SNX2: variants seen among roughly 807,000 people sequenced by gnomAD.
SNX2 encodes sorting nexin-2.
A neutral mutation model predicts 69.9 loss-of-function variants in SNX2; 25 were observed. The ratio of observed to expected loss-of-function variants is 0.36; its 90% CI spans 0.26 to 0.50. The LOEUF is 0.50. SNX2 is among the 20% of genes least tolerant of loss of function. The pLI, the probability that SNX2 is intolerant of heterozygous loss-of-function variation, is 0.97. For synonymous variants in SNX2, 229 were observed against 200.4 expected (o/e 1.14, Z -1.20); for missense variants, 551 against 613.3 (o/e 0.90, Z 1.07).
At chr5:122,809,384 A>G (rs561664624) in intron 7 of SNX2, among the ~76,000 whole-genome samples, 1 of 152,314 alleles carries the variant, frequency 6.6e-6, no homozygotes, top group East Asian at 1.9e-4. Flanking sequence ...ACTTGACTCT[A>G]CACATTTCCT....
intron 7 of SNX2, chr5:122,808,572 G>C (rs1162327619): frequency 2.6e-6 from 1 of 378,720 alleles, no homozygotes; most frequent in African/African-American, 2.1e-5. Flanking sequence ...CTCATCAATA[G>C]TCTAACAAAA....
At chr5:122,799,285 G>C (rs1048808983) in intron 2 of SNX2, among the ~76,000 whole-genome samples, 1 of 151,956 alleles carries the variant, frequency 6.6e-6, no homozygotes, top group Non-Finnish European at 1.5e-5. Context: ...AAATAGTTGT[G>C]GACAGACTTC....
chr5:122,813,905 CTGG>C (rs1753839518), intron 7 of SNX2, among the ~76,000 whole-genome samples: 2 of 151,698 alleles, frequency 1.3e-5, no homozygotes, highest in Admixed American at 1.3e-4. Context: ...TCCTGAGTAG[CTGG>C]GACTACAGGT....
chr5:122,818,405 A>G (rs1753948314), intron 10 of SNX2, among the ~76,000 whole-genome samples: 1 of 152,206 alleles, frequency 6.6e-6, no homozygotes, highest in African/African-American at 2.4e-5. Context: ...AAAATTATAG[A>G]CATTATTTTC....
At chr5:122,810,732 T>C (rs949407550) in intron 7 of SNX2, among the ~76,000 whole-genome samples, 1 of 152,184 alleles carries the variant, frequency 6.6e-6, no homozygotes, top group Non-Finnish European at 1.5e-5. Flanking sequence ...ACACTTTCTT[T>C]ACTGATAAAT....
chr5:122,783,504 T>C (rs1480730271), intron 1 of SNX2, among the ~76,000 whole-genome samples: 1 of 152,208 alleles, frequency 6.6e-6, no homozygotes, highest in Non-Finnish European at 1.5e-5. Flanking sequence ...ACATTCTTTT[T>C]TTAAAATACA....
chr5:122,795,541 A>G (rs1286133695), intron 2 of SNX2, 158 bp downstream of exon 2: 13 of 593,544 alleles, frequency 2.2e-5, no homozygotes, highest in Non-Finnish European at 3.9e-5. Context: ...ACATCACTCT[A>G]TGAAAAATGT....
intron 1 of SNX2, among the ~76,000 whole-genome samples, chr5:122,777,686 A>T (rs1752884671): frequency 6.6e-6 from 1 of 152,326 alleles, no homozygotes; most frequent in East Asian, 1.9e-4. Context: ...ACTTATGTGT[A>T]TATTTTTACT....
chr5:122,788,506 AT>A (rs1362467503), intron 1 of SNX2, among the ~76,000 whole-genome samples: 2 of 152,138 alleles, frequency 1.3e-5, no homozygotes, highest in African/African-American at 4.8e-5. Flanking sequence ...ACATTTTGGT[AT>A]TGTCCCATAG....
chr5:122,822,223 T>A (rs1754041042), intron 11 of SNX2, among the ~76,000 whole-genome samples: 1 of 152,198 alleles, frequency 6.6e-6, no homozygotes, highest in Non-Finnish European at 1.5e-5. Flanking sequence ...CCCGAGTAGC[T>A]GGGACTATAG....
chr5:122,800,852 G>T (rs1308792694), intron 3 of SNX2, among the ~76,000 whole-genome samples: 2 of 152,162 alleles, frequency 1.3e-5, no homozygotes, highest in Non-Finnish European at 2.9e-5. Context: ...TTGCAAAGTT[G>T]AATAATCTCT....
chr5:122,803,480 T>A lies in SNX2; in HGVS notation c.510T>A (p.Leu170=). The A allele has an allele frequency of 6.2e-7, 1 of 1,608,540 alleles. No homozygotes were observed. Among genetic ancestry groups the A allele is most frequent in the Admixed American group, 1.7e-5 (1 of 59,142 alleles). The change falls in exon 6 of 15, where the codon CTT becomes CTA. Residue 170 remains leucine, a synonymous_variant. Transcript: ENST00000379516. Reference sequence around the variant, plus strand: ...CTCTTCTTCACTTGTAGACATCTCTTTCCATGTTCAGTAAGAGTGAATTTT... The same window carrying A: ...CTCTTCTTCACTTGTAGACATCTCTATCCATGTTCAGTAAGAGTGAATTTT... ...MAYRVTTKTS[L]SMFSKSEFSV...
Position 122,829,622 on chromosome 5 carries a change from C to T in SNX2, c.1534C>T (p.Leu512=), listed in dbSNP as rs13662. 0.04 allele frequency: 64,876 copies of T among 1,612,226 alleles called. 1,784 individuals carry two copies. Among genetic ancestry groups the T allele is most frequent in the East Asian group, 0.097 (4,349 of 44,830 alleles). Residue 512 remains leucine (L), a synonymous_variant, in exon 15 of 15, where the codon CTA becomes TTA. Transcript: ENST00000379516. ...GCTGATAAAATACTGGGAAGCATTCCTACCTGAAGCCAAAGCCATTGCCTA... is the reference window on the plus strand; with the variant it reads ...GCTGATAAAATACTGGGAAGCATTCTTACCTGAAGCCAAAGCCATTGCCTA... ...QQLIKYWEAF[L]PEAKAIA
chr5:122,789,474 G>C (rs1161991223), intron 1 of SNX2, among the ~76,000 whole-genome samples: 9 of 144,602 alleles, frequency 6.2e-5, no homozygotes, highest in African/African-American at 1.8e-4. Context: ...GACACACACG[G>C]ACACACACAC....
At chr5:122,775,482 A>C in intron 1 of SNX2, 1 of 1,134,730 alleles carries the variant, frequency 8.8e-7, no homozygotes, top group Non-Finnish European at 1.1e-6. Flanking sequence ...GCGCTTTCCC[A>C]GCTCAGCTGG....
intron 11 of SNX2, among the ~76,000 whole-genome samples, chr5:122,824,384 A>G (rs190415355): frequency 6.6e-6 from 1 of 152,200 alleles, no homozygotes; most frequent in Admixed American, 6.5e-5. Context: ...CTTTTTCTGA[A>G]TCTATTTGTG....
chr5:122,779,214 T>C (rs1752917185), intron 1 of SNX2, among the ~76,000 whole-genome samples: 1 of 152,316 alleles, frequency 6.6e-6, no homozygotes, highest in East Asian at 1.9e-4. Context: ...AATTTAATGG[T>C]TTCTAGTGTA....
chr5:122,792,678 A>G (rs111382371), intron 1 of SNX2, among the ~76,000 whole-genome samples: 3 of 152,230 alleles, frequency 2.0e-5, no homozygotes, highest in African/African-American at 7.2e-5. Context: ...TTCCATTGCA[A>G]AATCTACCAT....
At position 122,831,645 on chromosome 5, in the gene SNX2, G is replaced by T. The variant is rs1754293465; in HGVS notation, c.*1997G>T. Among the ~76,000 whole-genome samples the T allele has an allele frequency of 6.6e-6, 1 of 152,142 alleles. No homozygotes were observed. Among genetic ancestry groups the T allele is most frequent in the Non-Finnish European group, 1.5e-5 (1 of 68,032 alleles). ...AGTAATATATATCAGATGCTATCTT[G>T]TTGCTCCATTAATATTGAGCAAAAG... is the stretch of plus-strand genomic sequence containing the variant. On this transcript the variant is annotated 3_prime_UTR_variant, in exon 15 of 15. Coordinates refer to ENST00000379516, the MANE Select transcript of SNX2 (RefSeq NM_003100.4).
Sources: gnomAD v4.1 joint callset for allele counts (sites outside exome capture counted in the v4.1 genomes callset) on GRCh38, gnomAD v4.1.1 for gene constraint, MANE v1.5 for transcripts, NCBI Gene and HGNC (gene_info 2026-07-23, HGNC 2026-07-21) for gene names.